PEX5L: variants seen among roughly 807,000 people sequenced by gnomAD.
PEX5L encodes PEX5-related protein.
In PEX5L, 30 loss-of-function variants were observed where a neutral mutation model predicts 84.0. The observed-to-expected ratio is 0.36, with a 90% CI of 0.27 to 0.48. The LOEUF (loss-of-function observed/expected upper bound fraction) is 0.48. Ranked by LOEUF, PEX5L falls within the 20% of genes least tolerant of loss-of-function variation. The pLI, the probability that PEX5L is intolerant of heterozygous loss-of-function variation, is 0.99. For missense variants in PEX5L, 533 were observed against 754.6 expected (o/e 0.71, Z 3.44); for synonymous variants, 270 against 283.1 (o/e 0.95, Z 0.46).
chr3:179,986,255 C>T (rs2110349329), intron 1 of PEX5L, among the ~76,000 whole-genome samples: 1 of 151,510 alleles, frequency 6.6e-6, no homozygotes, highest in South Asian at 2.1e-4. Flanking sequence ...AGTAAATTTA[C>T]CCTGGGGAGG....
chr3:180,030,834 T>C (rs181731698), intron 1 of PEX5L, among the ~76,000 whole-genome samples: 182 of 152,230 alleles, frequency 1.2e-3, no homozygotes, highest in Non-Finnish European at 2.0e-3. Context: ...AGTAGAAACT[T>C]TGGGGAGTTG....
chr3:179,882,745 C>G (rs1754535184), intron 4 of PEX5L, among the ~76,000 whole-genome samples: 1 of 152,102 alleles, frequency 6.6e-6, no homozygotes, highest in Non-Finnish European at 1.5e-5. Flanking sequence ...TTTAAAGATC[C>G]TTCAGGCACA....
At chr3:179,821,009 C>G (rs972085824) in intron 8 of PEX5L, among the ~76,000 whole-genome samples, 1 of 152,136 alleles carries the variant, frequency 6.6e-6, no homozygotes, top group African/African-American at 2.4e-5. Flanking sequence ...TCACTTGAAC[C>G]CCTGTTCTCA....
chr3:179,993,034 A>C (rs1787531483), intron 1 of PEX5L, among the ~76,000 whole-genome samples: 1 of 151,712 alleles, frequency 6.6e-6, no homozygotes, highest in Admixed American at 6.6e-5. Context: ...TTAAAAAAAA[A>C]CTCCCCCCCG....
chr3:179,934,847 T>C (rs1455555065), intron 2 of PEX5L, among the ~76,000 whole-genome samples: 1 of 152,178 alleles, frequency 6.6e-6, no homozygotes, highest in East Asian at 1.9e-4. Context: ...ATTAATGTAT[T>C]TTAAAAAGCA....
intron 14 of PEX5L, chr3:179,804,354 C>T (rs910686147): frequency 6.6e-6 from 1 of 151,976 alleles, no homozygotes; most frequent in African/African-American, 2.4e-5. Context: ...ATAAAAAGCC[C>T]ATTCATTTAA....
intron 2 of PEX5L, among the ~76,000 whole-genome samples, chr3:179,967,624 G>T (rs1193754084): frequency 6.6e-6 from 1 of 152,064 alleles, no homozygotes; most frequent in Non-Finnish European, 1.5e-5. Flanking sequence ...AATGGCTGTG[G>T]TTTTCTTGTT....
intron 2 of PEX5L, among the ~76,000 whole-genome samples, chr3:179,901,538 C>T (rs1761346037): frequency 6.6e-6 from 1 of 152,188 alleles, no homozygotes; most frequent in African/African-American, 2.4e-5. Context: ...AGTTGATTAT[C>T]ATATTGTGGT....
intron 2 of PEX5L, among the ~76,000 whole-genome samples, chr3:179,925,660 TGC>T (rs1771225178): frequency 6.6e-6 from 1 of 152,230 alleles, no homozygotes; most frequent in Non-Finnish European, 1.5e-5. Context: ...TTGTGAATAG[TGC>T]TACATATTAT....
intron 1 of PEX5L, among the ~76,000 whole-genome samples, chr3:179,990,391 T>C (rs983863361): frequency 1.5e-5 from 2 of 135,076 alleles, no homozygotes; most frequent in African/African-American, 6.1e-5. Flanking sequence ...CGGTATGTCA[T>C]TCTGATATCT....
intron 1 of PEX5L, chr3:179,973,711 C>T: frequency 1.0e-6 from 1 of 985,336 alleles, no homozygotes; most frequent in South Asian, 4.7e-5. Context: ...ATACCAAAGT[C>T]CGCCTCTCCA....
intron 1 of PEX5L, among the ~76,000 whole-genome samples, chr3:180,031,407 A>G (rs1029221235): frequency 1.3e-5 from 2 of 152,186 alleles, no homozygotes; most frequent in African/African-American, 4.8e-5. Flanking sequence ...CATAACCCCC[A>G]CTTCATAGCA....
At chr3:179,943,377 C>T (rs1560831981) in intron 2 of PEX5L, among the ~76,000 whole-genome samples, 3 of 152,230 alleles carry the variant, frequency 2.0e-5, no homozygotes, top group African/African-American at 4.8e-5. Flanking sequence ...ATCACATCTA[C>T]TTCCTCATTT....
intron 1 of PEX5L, among the ~76,000 whole-genome samples, chr3:180,002,500 T>C (rs1788516105): frequency 6.6e-6 from 1 of 152,126 alleles, no homozygotes; most frequent in Admixed American, 6.5e-5. Flanking sequence ...TATTGATCAT[T>C]TGAAGGTTCT....
intron 1 of PEX5L, among the ~76,000 whole-genome samples, chr3:180,017,629 T>A (rs944379813): frequency 6.6e-6 from 1 of 151,950 alleles, no homozygotes; most frequent in Non-Finnish European, 1.5e-5. Flanking sequence ...ACTTTATATA[T>A]AATTATATTT....
At chr3:179,988,851 T>TG (rs1787117999) in intron 1 of PEX5L, among the ~76,000 whole-genome samples, 1 of 152,202 alleles carries the variant, frequency 6.6e-6, no homozygotes, top group Non-Finnish European at 1.5e-5. Flanking sequence ...AGAATGGAAT[T>TG]GCCAGGTTTT....
chr3:179,853,000 C>G (rs1041020577), intron 8 of PEX5L, among the ~76,000 whole-genome samples: 11 of 152,052 alleles, frequency 7.2e-5, no homozygotes, highest in African/African-American at 2.7e-4. Flanking sequence ...ATTTATTTAT[C>G]CAGTAAAAAT....
chr3:179,923,305 A>AAAG lies in PEX5L; in HGVS notation c.94-25060_94-25059insCTT, dbSNP rs1250564856. Among the ~76,000 whole-genome samples the AAAG allele has an allele frequency of 2.3e-5, 3 of 132,480 alleles. 1 individual carries two copies. The highest frequency in any genetic ancestry group is 8.3e-5 in the African/African-American group (3 of 36,056). The allele number at this position is 132,480 out of a possible 152,430, so 86.9% of individuals were successfully genotyped here. A position where few individuals can be genotyped will look rare whatever the true frequency, so the allele number is the denominator to read the frequency against. Reference sequence around the variant, plus strand: ...GACTCCATCTCAAAAAAAAAAAAAAAAAAAAACACCCTCAAGTGAATTCTT... The same window carrying AAAG: ...GACTCCATCTCAAAAAAAAAAAAAAAAAGAAAAAACACCCTCAAGTGAATTCTT... On this transcript the variant is annotated intron_variant, in intron 2 of 14. Transcript: ENST00000467460.
intron 2 of PEX5L, among the ~76,000 whole-genome samples, chr3:179,918,953 T>C (rs528857551): frequency 5.3e-5 from 8 of 152,316 alleles, no homozygotes; most frequent in African/African-American, 1.7e-4. Context: ...CAAGTTCTAC[T>C]CAATTCTCCA....
Sources: gnomAD v4.1 joint callset for allele counts (sites outside exome capture counted in the v4.1 genomes callset) on GRCh38, gnomAD v4.1.1 for gene constraint, MANE v1.5 for transcripts, NCBI Gene and HGNC (gene_info 2026-07-23, HGNC 2026-07-21) for gene names.